Variants in SLC35B3 observed in about 807,000 individuals in gnomAD.
SLC35B3 encodes the protein adenosine 3'-phospho 5'-phosphosulfate transporter 2.
In SLC35B3, 35 loss-of-function variants were observed where a neutral mutation model predicts 44.1. The ratio of observed to expected loss-of-function variants is 0.79; its 90% CI spans 0.61 to 1.05. The LOEUF (loss-of-function observed/expected upper bound fraction) is 1.05. SLC35B3 is among the 50% of genes least tolerant of loss of function. The pLI is 0.00. For missense variants in SLC35B3, 414 were observed against 476.4 expected (o/e 0.87, Z 1.22); for synonymous variants, 146 against 167.3 (o/e 0.87, Z 0.98).
chr6:8,427,646 A>C (rs1763544739), intron 4 of SLC35B3, among the ~76,000 whole-genome samples: 1 of 152,226 alleles, frequency 6.6e-6, no homozygotes, highest in Non-Finnish European at 1.5e-5. Context: ...CTATTTCAGC[A>C]GAATTTATAC....
chr6:8,411,690 C>A lies in SLC35B3; in HGVS notation c.*1859G>T, dbSNP rs1277582667. ...ATGCTGGACCCCTCCATGATACAGGCTCTGTTGTACCTGCATATGCACATA... is the reference window on the plus strand; with the variant it reads ...ATGCTGGACCCCTCCATGATACAGGATCTGTTGTACCTGCATATGCACATA... On this transcript the variant is annotated 3_prime_UTR_variant, in exon 11 of 11. Transcript: ENST00000644923. 6.6e-6 allele frequency among the ~76,000 whole-genome samples: 1 copy of A among 152,140 alleles called. No individual in the cohort carries two copies. The highest frequency in any genetic ancestry group is 1.5e-5 in the Non-Finnish European group (1 of 68,022).
chr6:8,433,535 T>C lies in SLC35B3; in HGVS notation c.3+850A>G, dbSNP rs1294387426. The stretch of plus-strand genomic sequence containing the variant: ...GTTATTCAGCTCCTTTCCAACACTT[T>C]ACCACTTCTAATACACTTCTTGGCA... On this transcript the variant is annotated intron_variant, in intron 2 of 10. Transcript: ENST00000644923. This position sits in a 1 kb window ranked among gnomAD's most constrained non-coding sequence, Gnocchi z 4.1. 1.3e-5 allele frequency among the ~76,000 whole-genome samples: 2 copies of C among 152,172 alleles called. No individual in the cohort carries two copies. The highest frequency in any genetic ancestry group is 2.9e-5 in the Non-Finnish European group (2 of 68,018).
chr6:8,420,208 T>C lies in SLC35B3; in HGVS notation c.682+513A>G, dbSNP rs1389875717. Among the ~76,000 whole-genome samples the C allele has an allele frequency of 6.6e-6, 1 of 152,096 alleles. No homozygotes were observed. Among genetic ancestry groups the C allele is most frequent in the African/African-American group, 2.4e-5 (1 of 41,404 alleles). The stretch of plus-strand genomic sequence containing the variant: ...TATTTTCTCCTTTGTATAAACACAC[T>C]CAGCACACATTTTCCATGATTTCCA... On this transcript the variant is annotated intron_variant, in intron 6 of 10. Transcript: ENST00000644923. The surrounding 1 kb of genome is among the most constrained non-coding windows in gnomAD (Gnocchi z 4.4).
chr6:8,419,137 T>A lies in SLC35B3; in HGVS notation c.780+443A>T, dbSNP rs1762668862. 6.6e-6 allele frequency among the ~76,000 whole-genome samples: 1 copy of A among 152,004 alleles called. No homozygotes were observed. The highest frequency in any genetic ancestry group is 1.5e-5 in the Non-Finnish European group (1 of 67,946). On this transcript the variant is annotated intron_variant, in intron 7 of 10. Coordinates refer to ENST00000644923, the MANE Select transcript of SLC35B3 (RefSeq NM_001370476.2). This position sits in a 1 kb window ranked among gnomAD's most constrained non-coding sequence, Gnocchi z 4.3. ...AAAGTTTTAGATTGGATCAAGGGCT[T>A]AATAAAAAAGGAAATCACAAAACTA...
At chr6:8,417,632 AT>A in intron 7 of SLC35B3, 138 bp from the exon 7 acceptor site, 1 of 527,360 alleles carries the variant, frequency 1.9e-6, no homozygotes, top group Non-Finnish European at 3.3e-6. Flanking sequence ...TATGGCCTAA[AT>A]TTCCAGAAAT....
At chr6:8,421,272 T>A (rs17143705) in intron 5 of SLC35B3, among the ~76,000 whole-genome samples, 4,606 of 152,328 alleles carry the variant, frequency 0.03, 247 homozygotes, top group African/African-American at 0.11. Flanking sequence ...ATGTGATAAC[T>A]TCCAGGCAGG....
intron 4 of SLC35B3, among the ~76,000 whole-genome samples, chr6:8,423,778 T>C (rs1763157226): frequency 6.6e-6 from 1 of 152,220 alleles, no homozygotes; most frequent in Admixed American, 6.5e-5. Flanking sequence ...GGGGTTTTTT[T>C]CTACTTAACT....
rs770082309 is a variant in SLC35B3 at position 8,420,042 on chromosome 6, TA to T, written c.683-366del. ...TGGGATTGGTGGCTATTCAGTTAAT[TA>T]AAAAAAAAAAAAACAGATGAAGAGA... On this transcript the variant is annotated intron_variant, in intron 6 of 10. Transcript: ENST00000644923. The surrounding 1 kb of genome is among the most constrained non-coding windows in gnomAD (Gnocchi z 4.4). 4.7e-3 allele frequency among the ~76,000 whole-genome samples: 650 copies of T among 137,704 alleles called. 10 individuals carry two copies. The East Asian group carries it at 0.047, about 10-fold the overall frequency. The allele number at this position is 137,704 out of a possible 152,430, so 90.3% of individuals were successfully genotyped here.
rs1475077544 is a variant in SLC35B3 at position 8,413,451 on chromosome 6, A to G, written c.*98T>C. The G allele has an allele frequency of 3.9e-6, 4 of 1,028,376 alleles. No homozygotes were observed. In the Admixed American group the frequency reaches 1.2e-4, roughly 31 times the overall value. The allele number at this position is 1,028,376 out of a possible 1,614,324, so 63.7% of individuals were successfully genotyped here. A position where few individuals can be genotyped will look rare whatever the true frequency, so the allele number is the denominator to read the frequency against. On this transcript the variant is annotated 3_prime_UTR_variant, in exon 11 of 11. Transcript: ENST00000644923. The stretch of plus-strand genomic sequence containing the variant: ...AAATCTGTCCACAAATGGGATAGCA[A>G]TGCCTCCAGATCCTTTGGTTTTTAT...
chr6:8,422,202 A>G (rs1173395176), intron 5 of SLC35B3, among the ~76,000 whole-genome samples: 1 of 152,036 alleles, frequency 6.6e-6, no homozygotes, highest in Non-Finnish European at 1.5e-5. Context: ...ACAGGGTTTC[A>G]CCATATTGGC....
chr6:8,411,797 A>G lies in SLC35B3; in HGVS notation c.*1752T>C, dbSNP rs1762072400. Among the ~76,000 whole-genome samples the G allele has an allele frequency of 1.3e-5, 2 of 152,200 alleles. No individual in the cohort carries two copies. Among genetic ancestry groups the G allele is most frequent in the Admixed American group, 6.6e-5 (1 of 15,264 alleles). ...CAAGTATATTATACTCACAAAATAT[A>G]AACAGTGTCCCCAAGAGCACTAAGC... On this transcript the variant is annotated 3_prime_UTR_variant, in exon 11 of 11. Transcript: ENST00000644923.
chr6:8,428,097 G>A, intron 3 of SLC35B3, 39 bp from the exon 3 acceptor site: 2 of 1,391,552 alleles, frequency 1.4e-6, no homozygotes, highest in Non-Finnish European at 1.9e-6. Flanking sequence ...GTCCAAGGCA[G>A]CACACTAATT....
chr6:8,419,677 C>A lies in SLC35B3; in HGVS notation c.683G>T (p.Gly228Val). 6.7e-7 allele frequency: 1 copy of A among 1,488,780 alleles called. No individual in the cohort carries two copies. Among genetic ancestry groups the A allele is most frequent in the Non-Finnish European group, 9.1e-7 (1 of 1,104,384 alleles). The allele number at this position is 1,488,780 out of a possible 1,614,324, so 92.2% of individuals were successfully genotyped here. ...TAGTGCCAGGGAAATAAGCACCACA[C>A]CTTCAAGAAGGTATTAAAAAAACAA... The change falls in exon 7 of 11, where the codon GGT (glycine) becomes GTT (valine). Residue 228 changes from glycine to valine, a missense_variant and splice_region_variant. Transcript: ENST00000644923. The surrounding 1 kb of genome is among the most constrained non-coding windows in gnomAD (Gnocchi z 4.3).
At chr6:8,423,189 A>G (rs1763090294) in intron 4 of SLC35B3, among the ~76,000 whole-genome samples, 1 of 152,172 alleles carries the variant, frequency 6.6e-6, no homozygotes. Flanking sequence ...GTACCTTAAC[A>G]TTTTAAAACT....
At position 8,412,720 on chromosome 6, in the gene SLC35B3, C is replaced by T. The variant is rs79313243; in HGVS notation, c.*829G>A. ...TTCAGGATAAAACTATGAAACTGTT[C>T]CACTTCAGATCATCAGGCATTAGAT... On this transcript the variant is annotated 3_prime_UTR_variant, in exon 11 of 11. Transcript: ENST00000644923. Among the ~76,000 whole-genome samples the T allele has an allele frequency of 0.013, 1,956 of 152,246 alleles. 22 individuals are homozygous for T. The highest frequency in any genetic ancestry group is 0.027 in the Middle Eastern group (8 of 294).
chr6:8,421,960 A>G (rs1440472250), intron 5 of SLC35B3, among the ~76,000 whole-genome samples: 1 of 152,110 alleles, frequency 6.6e-6, no homozygotes, highest in Non-Finnish European at 1.5e-5. Flanking sequence ...TCTTAAGTCC[A>G]AATTACTGAC....
chr6:8,416,523 T>G (rs1327228842), intron 9 of SLC35B3, among the ~76,000 whole-genome samples: 1 of 152,180 alleles, frequency 6.6e-6, no homozygotes, highest in African/African-American at 2.4e-5. Context: ...CCTCTCATAC[T>G]TGAAATGCAA....
In SLC35B3 at chr6:8,419,886, GAGTT is replaced by G. The variant is rs772624778; in HGVS notation, c.683-213_683-210del. Among the ~76,000 whole-genome samples, 10 of 152,012 alleles carry G rather than the reference GAGTT, an allele frequency of 6.6e-5. No individual in the cohort carries two copies. Among genetic ancestry groups the G allele is most frequent in the East Asian group, 1.9e-4 (1 of 5,180 alleles). ...ATTAAAAAAGATATACTAATAAACT[GAGTT>G]AGTTCTGTACATATCACATTTCACA... On this transcript the variant is annotated intron_variant, in intron 6 of 10. Transcript: ENST00000644923. The surrounding 1 kb of genome is among the most constrained non-coding windows in gnomAD (Gnocchi z 4.3).
intron 4 of SLC35B3, among the ~76,000 whole-genome samples, chr6:8,424,347 G>A (rs980967003): frequency 6.6e-6 from 1 of 152,130 alleles, no homozygotes; most frequent in Non-Finnish European, 1.5e-5. Flanking sequence ...CCGCCTCCCA[G>A]GTTCAAACCA....
Sources: allele counts gnomAD v4.1 joint callset (sites outside exome capture counted in the v4.1 genomes callset), GRCh38; gene constraint gnomAD v4.1.1; non-coding constraint Gnocchi (gnomAD v3.1); transcripts MANE v1.5; gene names NCBI Gene and HGNC (gene_info 2026-07-23, HGNC 2026-07-21).